UGGT2: variants seen among roughly 807,000 people sequenced by gnomAD.
The protein encoded by UGGT2 is UDP-glucose glycoprotein glucosyltransferase 2.
UGGT2 carries 180 observed loss-of-function variants against 192.1 expected under a neutral mutation model. The ratio of observed to expected loss-of-function variants is 0.94; its 90% CI spans 0.83 to 1.06. UGGT2 has a LOEUF of 1.06. UGGT2 is among the 50% of genes least tolerant of loss of function. UGGT2 has a pLI of 0.00. For missense variants in UGGT2, 1,849 were observed against 1,795.7 expected (o/e 1.03, Z -0.54); for synonymous variants, 580 against 591.0 (o/e 0.98, Z 0.27).
chr13:95,988,434 T>C (rs2051357723), intron 8 of UGGT2, among the ~76,000 whole-genome samples: 1 of 152,026 alleles, frequency 6.6e-6, no homozygotes, highest in South Asian at 2.1e-4. Context: ...TGATGTCAAG[T>C]GAAAGAACAG....
chr13:95,953,417 G>A (rs2050125507), intron 12 of UGGT2, among the ~76,000 whole-genome samples: 1 of 152,180 alleles, frequency 6.6e-6, no homozygotes, highest in South Asian at 2.1e-4. Flanking sequence ...TGCAATACCA[G>A]GGCACTAGTG....
chr13:95,944,175 C>T (rs990033816), intron 15 of UGGT2, among the ~76,000 whole-genome samples: 2 of 151,998 alleles, frequency 1.3e-5, no homozygotes, highest in African/African-American at 4.8e-5. Flanking sequence ...CTTTGGCATA[C>T]ATATTCTCAA....
At chr13:96,028,263 A>T (rs2139142147) in intron 2 of UGGT2, among the ~76,000 whole-genome samples, 1 of 152,336 alleles carries the variant, frequency 6.6e-6, no homozygotes, top group Admixed American at 6.5e-5. Flanking sequence ...AATTCCAATT[A>T]CCTTCTTCCC....
intron 38 of UGGT2, among the ~76,000 whole-genome samples, chr13:95,829,380 G>C (rs2139851992): frequency 6.6e-6 from 1 of 152,290 alleles, no homozygotes; most frequent in East Asian, 1.9e-4. Flanking sequence ...AAGTCAAATT[G>C]TCCCTGTTTG....
Position 95,936,980 on chromosome 13 carries a change from C to A in UGGT2, c.1921G>T (p.Ala641Ser), listed in dbSNP as rs1208580003. ...GCATCCATCATTCTTTGAAGAACAG[C>A]CATTTTTAGTTCTTTAATATTCATC... ...EEMNIKELKM[A>S]VLQRMMDASV... The change falls in exon 17 of 39, where the codon GCT (alanine) becomes TCT (serine). Residue 641 changes from alanine (A) to serine (S), a missense_variant. Coordinates refer to ENST00000376747, the MANE Select transcript of UGGT2 (RefSeq NM_020121.4). 1 of 1,599,726 alleles carries A rather than the reference C, an allele frequency of 6.3e-7. No homozygotes were observed. The highest frequency in any genetic ancestry group is 2.2e-5 in the East Asian group (1 of 44,678).
At chr13:95,869,298 T>C (rs1276757309) in intron 29 of UGGT2, among the ~76,000 whole-genome samples, 1 of 152,120 alleles carries the variant, frequency 6.6e-6, no homozygotes, top group African/African-American at 2.4e-5. Flanking sequence ...TGTTGGACAT[T>C]TGGGTTGGTT....
At chr13:95,989,321 G>C (rs2051388269) in intron 8 of UGGT2, among the ~76,000 whole-genome samples, 1 of 151,978 alleles carries the variant, frequency 6.6e-6, no homozygotes, top group African/African-American at 2.4e-5. Flanking sequence ...AGCTTATTAA[G>C]CTGTTATATT....
intron 2 of UGGT2, among the ~76,000 whole-genome samples, chr13:96,029,995 T>C (rs61973968): frequency 0.023 from 3,466 of 152,284 alleles, 57 homozygotes; most frequent in Non-Finnish European, 0.034. Flanking sequence ...TCTAGCCTAC[T>C]TTTACCTCAA....
intron 10 of UGGT2, chr13:95,983,579 A>C: frequency 1.6e-6 from 1 of 614,762 alleles, no homozygotes; most frequent in South Asian, 1.5e-5. Flanking sequence ...CTACCTCGGA[A>C]GAAATTCTGG....
intron 36 of UGGT2, among the ~76,000 whole-genome samples, chr13:95,847,526 C>G (rs1759616391): frequency 6.6e-6 from 1 of 152,086 alleles, no homozygotes; most frequent in African/African-American, 2.4e-5. Context: ...TGCTTTTTTC[C>G]AGAATGTCAT....
rs552608449 is a variant in UGGT2, at chr13:95,833,005, T to C, written c.4450A>G (p.Ile1484Val). The C allele has an allele frequency of 6.2e-7, 1 of 1,612,904 alleles. No individual in the cohort carries two copies. Among genetic ancestry groups the C allele is most frequent in the South Asian group, 1.1e-5 (1 of 91,050 alleles). Residue 1484 changes from isoleucine to valine, a missense_variant, in exon 38 of 39, where the codon ATT (isoleucine) becomes GTT (valine). Physicochemically the swap from Ile to Val is conservative, Grantham distance 29. Coordinates refer to ENST00000376747, the MANE Select transcript of UGGT2 (RefSeq NM_020121.4). ...TCATACTCCACCCATTCTGGGACAA[T>C]TCTGGCAGCAGCTTTTAGTTTGGAT... The part of the protein sequence containing the change: ...KESKLKAAAR[I>V]VPEWVEYDAE...
intron 5 of UGGT2, among the ~76,000 whole-genome samples, chr13:96,005,748 G>GC (rs1369345781): frequency 1.3e-5 from 2 of 152,130 alleles, no homozygotes; most frequent in South Asian, 4.1e-4. Flanking sequence ...TTCCTTAGCT[G>GC]CCCCCTCACC....
chr13:95,905,080 T>C (rs996627224), intron 20 of UGGT2, among the ~76,000 whole-genome samples: 5 of 152,168 alleles, frequency 3.3e-5, no homozygotes, highest in East Asian at 1.9e-4. Flanking sequence ...GTTTTTTGGC[T>C]GCATAAATGT....
At chr13:95,839,730 A>AC (rs1433113444) in intron 36 of UGGT2, among the ~76,000 whole-genome samples, 3 of 152,214 alleles carry the variant, frequency 2.0e-5, no homozygotes, top group African/African-American at 7.2e-5. Context: ...TGAACTTGGT[A>AC]CACTATTCTA....
intron 12 of UGGT2, among the ~76,000 whole-genome samples, chr13:95,962,580 G>A (rs1181019687): frequency 6.6e-6 from 1 of 152,060 alleles, no homozygotes; most frequent in African/African-American, 2.4e-5. Context: ...GAAGAGTCCA[G>A]GACTAGATGG....
intron 8 of UGGT2, among the ~76,000 whole-genome samples, chr13:95,987,878 T>C (rs1328387330): frequency 1.3e-5 from 2 of 152,162 alleles, no homozygotes; most frequent in Non-Finnish European, 2.9e-5. Context: ...CCCAAAAGGC[T>C]GGCCTATCTG....
intron 36 of UGGT2, among the ~76,000 whole-genome samples, chr13:95,847,061 CTTT>C (rs71113956): frequency 2.1e-5 from 2 of 97,372 alleles, no homozygotes; most frequent in East Asian, 2.6e-4. Flanking sequence ...CTTTTCTTTT[CTTT>C]TTTTTTTTTA....
Position 95,832,976 on chromosome 13 carries a change from A to G in UGGT2, c.4479T>C (p.Ala1493=). Residue 1493 remains alanine (A), a synonymous_variant, in exon 38 of 39, where the codon GCT becomes GCC. Coordinates refer to ENST00000376747, the MANE Select transcript of UGGT2 (RefSeq NM_020121.4). ...GATGATCTAATAGTTGTCTTATCTC[A>G]GCATCATACTCCACCCATTCTGGGA... is the stretch of plus-strand genomic sequence containing the variant. ...RIVPEWVEYD[A]EIRQLLDHLE... The G allele has an allele frequency of 6.2e-7, 1 of 1,612,938 alleles. No homozygotes were observed. The highest frequency in any genetic ancestry group is 8.5e-7 in the Non-Finnish European group (1 of 1,179,224).
chr13:95,990,025 G>A lies in UGGT2; in HGVS notation c.879C>T (p.Tyr293=). ...LRDNLTAFQK[Y]LIESNKQMMP... is the part of the protein sequence containing the mutation. ...TCATTTGTTTGTTACTCTCAATCAG[G>A]TATTTTTGGAATGCTGTCAGATTAT... Residue 293 remains tyrosine, a synonymous_variant, in exon 8 of 39, where the codon TAC becomes TAT. Coordinates refer to ENST00000376747, the MANE Select transcript of UGGT2 (RefSeq NM_020121.4). The A allele has an allele frequency of 1.9e-6, 3 of 1,605,428 alleles. No individual in the cohort carries two copies. The highest frequency in any genetic ancestry group is 2.6e-6 in the Non-Finnish European group (3 of 1,175,560).
Sources: allele counts gnomAD v4.1 joint callset (sites outside exome capture counted in the v4.1 genomes callset), GRCh38; gene constraint gnomAD v4.1.1; transcripts MANE v1.5; gene names NCBI Gene and HGNC (gene_info 2026-07-23, HGNC 2026-07-21).